Variants in GDF10 observed in about 807,000 individuals in gnomAD.
GDF10 encodes growth/differentiation factor 10.
A neutral mutation model predicts 32.1 loss-of-function variants in GDF10; 23 were observed. The observed-to-expected ratio is 0.72, with a 90% CI of 0.52 to 1.02. GDF10 has a LOEUF of 1.02. Among genes scored for constraint, GDF10 ranks in the 50% least tolerant of loss-of-function variants. The pLI is 0.00. For missense variants in GDF10, 764 were observed against 673.9 expected, an observed-to-expected ratio of 1.13 and a Z score of -1.48; for synonymous variants, 328 against 303.1, an observed-to-expected ratio of 1.08 and a Z score of -0.85.
chr10:47,310,486 G>A lies in GDF10; in HGVS notation c.1010G>A (p.Arg337His), dbSNP rs1555207627. The change falls in exon 2 of 3, where the codon CGC becomes CAC. Residue 337 changes from arginine (R) to histidine (H), a missense_variant. Coordinates refer to ENST00000580279, the MANE Select transcript of GDF10 (RefSeq NM_004962.5). Reference sequence around the variant, plus strand: ...CGGGCGCTGAAACCCCGGCCAGGGCGCAAAGACCGCAGGAAGAAGGGCCAG... The same window carrying A: ...CGGGCGCTGAAACCCCGGCCAGGGCACAAAGACCGCAGGAAGAAGGGCCAG... ...PFRALKPRPG[R>H]KDRRKKGQEV... The A allele has an allele frequency of 6.2e-7, 1 of 1,613,656 alleles. No homozygotes were observed. The highest frequency in any genetic ancestry group is 8.5e-7 in the Non-Finnish European group (1 of 1,179,642).
chr10:47,306,977 TG>T (rs1254224306), intron 1 of GDF10, among the ~76,000 whole-genome samples: 1 of 151,886 alleles, frequency 6.6e-6, no homozygotes, highest in African/African-American at 2.4e-5. Context: ...GCTCCGAGCT[TG>T]GGGGGTGACC....
chr10:47,309,126 C>T (rs1485889308), intron 1 of GDF10, among the ~76,000 whole-genome samples: 1 of 152,200 alleles, frequency 6.6e-6, no homozygotes, highest in Non-Finnish European at 1.5e-5. Flanking sequence ...TTGTGTAATC[C>T]TGATGCTGCT....
At chr10:47,306,142 A>G (rs1194365530) in intron 1 of GDF10, among the ~76,000 whole-genome samples, 3 of 152,230 alleles carry the variant, frequency 2.0e-5, no homozygotes, top group African/African-American at 7.2e-5. Flanking sequence ...TACTCTCTTC[A>G]TGGTGAAAAT....
In GDF10 at chr10:47,300,830, C is replaced by G; in HGVS notation, c.179C>G (p.Pro60Arg). 1 of 1,574,446 alleles carries G rather than the reference C, an allele frequency of 6.4e-7. No individual in the cohort carries two copies. The highest frequency in any genetic ancestry group is 8.6e-7 in the Non-Finnish European group (1 of 1,167,484). ...GGGGACAGGGATCTCCAGCGGCACC[C>G]TGGGGACGCGGCCGCCACGTTGGGC... Reference protein sequence around the residue: ...LQGDRDLQRHPGDAAATLGPS... With the variant: ...LQGDRDLQRHRGDAAATLGPS... The change falls in exon 1 of 3, where the codon CCT becomes CGT. Residue 60 changes from proline to arginine, a missense_variant. Coordinates refer to ENST00000580279, the MANE Select transcript of GDF10 (RefSeq NM_004962.5).
At position 47,310,259 on chromosome 10, in the gene GDF10, G is replaced by A; in HGVS notation, c.783G>A (p.Val261=). ...LAISEPNSVA[V]TLQRYDPFPA... is the part of the protein sequence containing the mutation. Reference sequence around the variant, plus strand: ...TCTCGGAGCCCAACAGCGTGGCAGTGACGCTGCAGAGATACGACCCCTTCC... The same window carrying A: ...TCTCGGAGCCCAACAGCGTGGCAGTAACGCTGCAGAGATACGACCCCTTCC... Residue 261 remains valine (V), a synonymous_variant, in exon 2 of 3, where the codon GTG becomes GTA. Transcript: ENST00000580279. The A allele has an allele frequency of 6.2e-7, 1 of 1,608,776 alleles. No individual in the cohort carries two copies. Among genetic ancestry groups the A allele is most frequent in the Non-Finnish European group, 8.5e-7 (1 of 1,177,522 alleles).
chr10:47,300,909 C>T lies in GDF10; in HGVS notation c.258C>T (p.Tyr86=). ...ACATGCACAGGCTCTATGAGAAGTA[C>T]AGCCGGCAGGGCGCGCGGCCGGGAG... The part of the protein sequence containing the change: ...AVHMHRLYEK[Y]SRQGARPGGG... The change falls in exon 1 of 3, where the codon TAC becomes TAT. Residue 86 remains tyrosine, a synonymous_variant. Coordinates refer to ENST00000580279, the MANE Select transcript of GDF10 (RefSeq NM_004962.5). The T allele has an allele frequency of 6.4e-7, 1 of 1,565,434 alleles. No homozygotes were observed. The highest frequency in any genetic ancestry group is 8.6e-7 in the Non-Finnish European group (1 of 1,162,982).
intron 1 of GDF10, among the ~76,000 whole-genome samples, chr10:47,304,802 T>A (rs1384428060): frequency 2.0e-5 from 3 of 152,220 alleles, no homozygotes; most frequent in Non-Finnish European, 4.4e-5. Flanking sequence ...CTGGTCATCT[T>A]GAACTTTTCC....
chr10:47,310,130 G>T lies in GDF10; in HGVS notation c.654G>T (p.Glu218Asp). ...TCAAGGCGGCCCGCCGGGATGGCGAGCTGCTCCTCTCCGCCCAGCTGGATT... is the reference window on the plus strand; with the variant it reads ...TCAAGGCGGCCCGCCGGGATGGCGATCTGCTCCTCTCCGCCCAGCTGGATT... ...PIVKAARRDG[E>D]LLLSAQLDSE... The change falls in exon 2 of 3, where the codon GAG becomes GAT. Residue 218 changes from glutamate to aspartate, a missense_variant. Transcript: ENST00000580279. The T allele has an allele frequency of 6.2e-7, 1 of 1,611,268 alleles. No homozygotes were observed. The highest frequency in any genetic ancestry group is 8.5e-7 in the Non-Finnish European group (1 of 1,179,350).
chr10:47,301,024 T>C lies in GDF10; in HGVS notation c.319+54T>C, dbSNP rs114552709. 1,723 of 1,217,880 alleles carry C rather than the reference T, an allele frequency of 1.4e-3. 14 individuals carry two copies. The African/African-American group carries it at 0.024, about 17-fold the overall frequency. 75.4% of individuals were successfully genotyped at this position (1,217,880 alleles called of 1,614,324 possible). On this transcript the variant is annotated intron_variant, in intron 1 of 2. Transcript: ENST00000580279. ...CTCCTCATTCTCCACCTTCCTCACTTTTCTGTCTCCCCACCCGTGCACCTC... is the reference window on the plus strand; with the variant it reads ...CTCCTCATTCTCCACCTTCCTCACTCTTCTGTCTCCCCACCCGTGCACCTC...
chr10:47,309,911 G>C lies in GDF10; in HGVS notation c.435G>C (p.Ala145=). ...FYSEPPRWPR[A]LEVLCKPRAK... ...CAGAGCCGCCTCGGTGGCCTCGAGC[G>C]CTCGAGGTGCTATGCAAGCCGCGGG... Residue 145 remains alanine (A), a synonymous_variant, in exon 2 of 3, where the codon GCG becomes GCC. Transcript: ENST00000580279. 1.9e-6 allele frequency: 3 copies of C among 1,612,726 alleles called. No individual in the cohort carries two copies. Among genetic ancestry groups the C allele is most frequent in the Non-Finnish European group, 1.7e-6 (2 of 1,179,872 alleles).
Position 47,310,655 on chromosome 10 carries a change from G to C in GDF10, c.1179G>C (p.Trp393Cys). 1.2e-6 allele frequency: 2 copies of C among 1,614,118 alleles called. No homozygotes were observed. The highest frequency in any genetic ancestry group is 1.7e-6 in the Non-Finnish European group (2 of 1,179,960). Residue 393 changes from tryptophan (W) to cysteine (C), a missense_variant, in exon 2 of 3, where the codon TGG (tryptophan) becomes TGC (cysteine). Coordinates refer to ENST00000580279, the MANE Select transcript of GDF10 (RefSeq NM_004962.5). Reference protein sequence around the residue: ...VDFADIGWNEWIISPKSFDAY... With the variant: ...VDFADIGWNECIISPKSFDAY... The stretch of plus-strand genomic sequence containing the variant: ...TCGCAGACATCGGCTGGAATGAATG[G>C]ATAATCTCACCGAAATCTTTTGATG...
In GDF10 at chr10:47,310,032, C is replaced by A; in HGVS notation, c.556C>A (p.Leu186Ile). 1.2e-6 allele frequency: 2 copies of A among 1,606,976 alleles called. No homozygotes were observed. The highest frequency in any genetic ancestry group is 1.7e-6 in the Non-Finnish European group (2 of 1,177,002). Reference protein sequence around the residue: ...SLSQNTATQGLLRGAMALAPP... With the variant: ...SLSQNTATQGILRGAMALAPP... Reference sequence around the variant, plus strand: ...CTCGCAGAACACGGCCACACAGGGGCTACTCCGCGGGGCCATGGCCCTGGC... The same window carrying A: ...CTCGCAGAACACGGCCACACAGGGGATACTCCGCGGGGCCATGGCCCTGGC... Residue 186 changes from leucine (L) to isoleucine (I), a missense_variant, in exon 2 of 3, where the codon CTA (leucine) becomes ATA (isoleucine). Physicochemically the swap from Leu to Ile is conservative, Grantham distance 5 (BLOSUM62 2). Transcript: ENST00000580279.
chr10:47,303,242 G>C (rs2061010671), intron 1 of GDF10, among the ~76,000 whole-genome samples: 1 of 152,164 alleles, frequency 6.6e-6, no homozygotes, highest in African/African-American at 2.4e-5. Context: ...GTCTCAGCCT[G>C]CTCCCCAGTG....
At chr10:47,303,489 C>T (rs1239210042) in intron 1 of GDF10, among the ~76,000 whole-genome samples, 1 of 152,176 alleles carries the variant, frequency 6.6e-6, no homozygotes, top group Non-Finnish European at 1.5e-5. Flanking sequence ...GCTAATAGTG[C>T]TCCCCTCCTT....
chr10:47,302,323 G>C (rs1157583931), intron 1 of GDF10, among the ~76,000 whole-genome samples: 1 of 152,180 alleles, frequency 6.6e-6, no homozygotes, highest in Non-Finnish European at 1.5e-5. Context: ...CCCAGCACTG[G>C]CCAGATTAAG....
Position 47,312,649 on chromosome 10 carries a change from G to A in GDF10, c.1294G>A (p.Val432Met). The change falls in exon 3 of 3, where the codon GTG (valine) becomes ATG (methionine). Residue 432 changes from valine (V) to methionine (M), a missense_variant. By Grantham distance (21) the Val-to-Met change is conservative. Coordinates refer to ENST00000580279, the MANE Select transcript of GDF10 (RefSeq NM_004962.5). ...HATIQSIVRAVGIIPGIPEPC... is the reference protein window; with the variant it reads ...HATIQSIVRAMGIIPGIPEPC... ...CACCATCCAGAGCATTGTCAGGGCT[G>A]TGGGCATCATCCCTGGCATCCCAGA... 1.2e-6 allele frequency: 2 copies of A among 1,608,646 alleles called. No individual in the cohort carries two copies. Among genetic ancestry groups the A allele is most frequent in the African/African-American group, 2.7e-5 (2 of 74,894 alleles).
chr10:47,302,969 T>C (rs1402853890), intron 1 of GDF10, among the ~76,000 whole-genome samples: 1 of 152,206 alleles, frequency 6.6e-6, no homozygotes. Context: ...TCAGTTTCCT[T>C]GTAGTACAGT....
chr10:47,309,966 CT>C lies in GDF10; in HGVS notation c.491del (p.Leu164ArgfsTer82). The C allele has an allele frequency of 6.2e-7, 1 of 1,612,044 alleles. No individual in the cohort carries two copies. Among genetic ancestry groups the C allele is most frequent in the Non-Finnish European group, 8.5e-7 (1 of 1,179,342 alleles). On this transcript the variant is annotated frameshift_variant, in exon 2 of 3. Coordinates refer to ENST00000580279, the MANE Select transcript of GDF10 (RefSeq NM_004962.5). LOFTEE classifies it high-confidence loss of function. Reference protein sequence around the residue: ...AKNASGRPLPLGPPTRQHLLF... With the variant: ...AKNASGRPLPXGPPTRQHLLF... The stretch of plus-strand genomic sequence containing the variant: ...GAACGCTTCAGGCCGCCCGCTGCCC[CT>C]GGGCCCGCCCACACGCCAGCACCTG...
Position 47,313,067 on chromosome 10 carries a change from A to T in GDF10, c.*275A>T, listed in dbSNP as rs912738109. The T allele has an allele frequency of 3.2e-6, 1 of 314,944 alleles. No individual in the cohort carries two copies. The highest frequency in any genetic ancestry group is 5.8e-6 in the Non-Finnish European group (1 of 172,920). The allele number at this position is 314,944 out of a possible 1,614,324, so 19.5% of individuals were successfully genotyped here. A position where few individuals can be genotyped will look rare whatever the true frequency, so the allele number is the denominator to read the frequency against. On this transcript the variant is annotated 3_prime_UTR_variant, in exon 3 of 3. Coordinates refer to ENST00000580279, the MANE Select transcript of GDF10 (RefSeq NM_004962.5). ...TCATACCCACTGTTCTGAAGGCTTGAAAACAAAACATATCCACAACATTGG... is the reference window on the plus strand; with the variant it reads ...TCATACCCACTGTTCTGAAGGCTTGTAAACAAAACATATCCACAACATTGG...
Sources: gnomAD v4.1 joint callset for allele counts (sites outside exome capture counted in the v4.1 genomes callset) on GRCh38, gnomAD v4.1.1 for gene constraint, MANE v1.5 for transcripts, NCBI Gene and HGNC (gene_info 2026-07-23, HGNC 2026-07-21) for gene names.